TSPAN13: variants seen among roughly 807,000 people sequenced by gnomAD.
TSPAN13 encodes tetraspanin-13.
A neutral mutation model predicts 26.9 loss-of-function variants in TSPAN13; 18 were observed. That is an observed-to-expected ratio of 0.67 (90% CI 0.46 to 0.99). The LOEUF (loss-of-function observed/expected upper bound fraction) is 0.99. Ranked by LOEUF, TSPAN13 falls within the 50% of genes least tolerant of loss-of-function variation. The pLI is 0.00. For missense variants in TSPAN13, 201 were observed against 249.6 expected (o/e 0.81, Z 1.31); for synonymous variants, 116 against 98.4 (o/e 1.18, Z -1.06).
chr7:16,773,432 C>T (rs1469209754), intron 1 of TSPAN13, among the ~76,000 whole-genome samples: 1 of 151,866 alleles, frequency 6.6e-6, no homozygotes. Flanking sequence ...GGAACACAGC[C>T]CTGCCTGCTC....
intron 1 of TSPAN13, among the ~76,000 whole-genome samples, chr7:16,758,823 G>T (rs1196851060): frequency 6.6e-6 from 1 of 151,210 alleles, no homozygotes; most frequent in Admixed American, 6.6e-5. Context: ...TCTCTTGAAT[G>T]AATCTACTTC....
chr7:16,778,314 G>C (rs898499145), intron 4 of TSPAN13, among the ~76,000 whole-genome samples: 1 of 152,132 alleles, frequency 6.6e-6, no homozygotes, highest in Non-Finnish European at 1.5e-5. Flanking sequence ...CCTTGTAGGG[G>C]GTCTGTGTTA....
intron 1 of TSPAN13, among the ~76,000 whole-genome samples, chr7:16,754,731 G>A (rs1485468659): frequency 6.6e-6 from 1 of 152,140 alleles, no homozygotes; most frequent in East Asian, 1.9e-4. Context: ...CACCCAAGTC[G>A]TTTCTTTCCC....
chr7:16,754,557 TCC>T (rs1784461062), intron 1 of TSPAN13, among the ~76,000 whole-genome samples: 1 of 152,234 alleles, frequency 6.6e-6, no homozygotes, highest in African/African-American at 2.4e-5. Flanking sequence ...TCACAGGATG[TCC>T]GCTGCTTCCG....
chr7:16,758,654 T>C (rs1314708851), intron 1 of TSPAN13, among the ~76,000 whole-genome samples: 2 of 152,182 alleles, frequency 1.3e-5, no homozygotes, highest in Non-Finnish European at 2.9e-5. Context: ...CTAAATATTT[T>C]AAAGCATGAA....
chr7:16,770,353 C>T (rs894740141), intron 1 of TSPAN13, among the ~76,000 whole-genome samples: 3 of 151,982 alleles, frequency 2.0e-5, no homozygotes, highest in Non-Finnish European at 4.4e-5. Flanking sequence ...TTACAGGTGC[C>T]CACCATCACA....
Position 16,776,212 on chromosome 7 carries a change from T to G in TSPAN13, c.65T>G (p.Leu22Trp), listed in dbSNP as rs769570586. Residue 22 changes from leucine (L) to tryptophan (W), a missense_variant and splice_region_variant, in exon 2 of 6, where the codon TTG becomes TGG. Leu to Trp is a moderately conservative substitution (Grantham distance 61). Transcript: ENST00000262067. ...CCTGCCCCCTGGGTGTTTTTGCAGTTGGTTAGTCTGCTGCTAATTGGAATT... is the reference window on the plus strand; with the variant it reads ...CCTGCCCCCTGGGTGTTTTTGCAGTGGGTTAGTCTGCTGCTAATTGGAATT... ...CLCALNLLYT[L>W]VSLLLIGIAA... is the part of the protein sequence containing the mutation. 6.2e-7 allele frequency: 1 copy of G among 1,613,586 alleles called. No homozygotes were observed. The highest frequency in any genetic ancestry group is 8.5e-7 in the Non-Finnish European group (1 of 1,179,648).
chr7:16,772,728 G>T (rs1400525510), intron 1 of TSPAN13, among the ~76,000 whole-genome samples: 1 of 152,122 alleles, frequency 6.6e-6, no homozygotes. Context: ...GGGCGCGGTG[G>T]CTCATGCCTG....
rs1784840434 is a variant in TSPAN13 at position 16,783,754 on chromosome 7, C to G, written c.*263C>G. The G allele has an allele frequency of 2.2e-6, 1 of 462,302 alleles. No individual in the cohort carries two copies. 28.6% of individuals were successfully genotyped at this position (462,302 alleles called of 1,614,324 possible). ...CATTGTCGGGCACTGTCCACTGTGG[C>G]CTTTCTTAGCATTTTTACCTGCAGA... On this transcript the variant is annotated 3_prime_UTR_variant, in exon 6 of 6. Coordinates refer to ENST00000262067, the MANE Select transcript of TSPAN13 (RefSeq NM_014399.4).
At chr7:16,774,134 G>A (rs930703527) in intron 1 of TSPAN13, among the ~76,000 whole-genome samples, 1 of 152,192 alleles carries the variant, frequency 6.6e-6, no homozygotes, top group Non-Finnish European at 1.5e-5. Context: ...TTCTGAGGAA[G>A]AAGGAATTCT....
At chr7:16,777,720 G>A in intron 3 of TSPAN13, 78 bp from the exon 4 acceptor site, 13 of 982,022 alleles carry the variant, frequency 1.3e-5, no homozygotes, top group Non-Finnish European at 1.8e-5. Context: ...GGTACACTTA[G>A]TACTAAAAGT....
At chr7:16,757,224 A>G (rs1208096896) in intron 1 of TSPAN13, among the ~76,000 whole-genome samples, 1 of 152,180 alleles carries the variant, frequency 6.6e-6, no homozygotes, top group Non-Finnish European at 1.5e-5. Context: ...AAGGAAATGT[A>G]GAAATAGTGT....
chr7:16,756,188 G>C (rs1249822820), intron 1 of TSPAN13, among the ~76,000 whole-genome samples: 1 of 152,110 alleles, frequency 6.6e-6, no homozygotes, highest in Non-Finnish European at 1.5e-5. Context: ...TTTCTCCCCT[G>C]ATCTCTTTCT....
intron 1 of TSPAN13, among the ~76,000 whole-genome samples, chr7:16,769,195 T>A (rs1349988974): frequency 6.6e-6 from 1 of 152,200 alleles, no homozygotes; most frequent in Non-Finnish European, 1.5e-5. Flanking sequence ...TAAAATCTAT[T>A]TAATTTTACT....
chr7:16,778,029 A>G, intron 4 of TSPAN13, 118 bp downstream of exon 4: 2 of 705,080 alleles, frequency 2.8e-6, no homozygotes, highest in South Asian at 4.7e-5. Context: ...TTATGTATAT[A>G]TTTACATTAT....
intron 1 of TSPAN13, among the ~76,000 whole-genome samples, chr7:16,755,304 C>G (rs1209907926): frequency 2.6e-5 from 4 of 152,190 alleles, no homozygotes; most frequent in Non-Finnish European, 5.9e-5. Flanking sequence ...GTGAACATGA[C>G]TGCAAGCTTT....
intron 1 of TSPAN13, among the ~76,000 whole-genome samples, chr7:16,766,043 A>T (rs896529730): frequency 6.6e-6 from 1 of 152,226 alleles, no homozygotes; most frequent in Admixed American, 6.5e-5. Flanking sequence ...TATTATCTTT[A>T]AAAGTCTCCT....
intron 1 of TSPAN13, among the ~76,000 whole-genome samples, chr7:16,763,748 A>G (rs1784574490): frequency 6.6e-6 from 1 of 152,188 alleles, no homozygotes; most frequent in African/African-American, 2.4e-5. Context: ...GTGGGCCAGA[A>G]TTTTGTGTGT....
chr7:16,773,573 C>G (rs1784707071), intron 1 of TSPAN13, among the ~76,000 whole-genome samples: 1 of 152,134 alleles, frequency 6.6e-6, no homozygotes, highest in Non-Finnish European at 1.5e-5. Context: ...TTGCCAAGCC[C>G]TGTTCTAATA....
Sources: gnomAD v4.1 joint callset for allele counts (sites outside exome capture counted in the v4.1 genomes callset) on GRCh38, gnomAD v4.1.1 for gene constraint, MANE v1.5 for transcripts, NCBI Gene and HGNC (gene_info 2026-07-23, HGNC 2026-07-21) for gene names.